RABGAP1L: variants seen among roughly 807,000 people sequenced by gnomAD.
RABGAP1L encodes rab GTPase-activating protein 1-like.
In RABGAP1L, 63 loss-of-function variants were observed where a neutral mutation model predicts 137.7. That is an observed-to-expected ratio of 0.46 (90% CI 0.37 to 0.56). The LOEUF (loss-of-function observed/expected upper bound fraction) is 0.56, where lower values mean the gene tolerates loss of function less well. RABGAP1L is among the 20% of genes least tolerant of loss of function. RABGAP1L has a pLI of 0.00. For synonymous variants in RABGAP1L, 431 were observed against 433.7 expected, an observed-to-expected ratio of 0.99 and a Z score of 0.08; for missense variants, 1,095 against 1,244.0, an observed-to-expected ratio of 0.88 and a Z score of 1.80.
At chr1:174,246,249 A>C (rs1200610276) in intron 5 of RABGAP1L, 1 of 152,154 alleles carries the variant, frequency 6.6e-6, no homozygotes, top group Non-Finnish European at 1.5e-5. Flanking sequence ...ACAAACTCAA[A>C]CAGATATACA....
At chr1:174,958,272 A>C in intron 20 of RABGAP1L, 1 of 1,085,916 alleles carries the variant, frequency 9.2e-7, no homozygotes, top group Non-Finnish European at 1.2e-6. Context: ...AAGTTTCAGA[A>C]TCAAAATAAT....
chr1:174,195,705 C>CTTCTTTCTT (rs1379428426), intron 1 of RABGAP1L, among the ~76,000 whole-genome samples: 24 of 98,118 alleles, frequency 2.4e-4, no homozygotes, highest in South Asian at 2.0e-3. Flanking sequence ...TCCTTCTTTC[C>CTTCTTTCTT]TTCTTTCTTT....
At chr1:174,258,278 C>CT (rs1673287037) in intron 7 of RABGAP1L, among the ~76,000 whole-genome samples, 1 of 152,168 alleles carries the variant, frequency 6.6e-6, no homozygotes, top group Admixed American at 6.5e-5. Flanking sequence ...CAAGAAAATT[C>CT]TTAACACCTC....
At chr1:174,882,978 A>G (rs950600711) in intron 19 of RABGAP1L, among the ~76,000 whole-genome samples, 6 of 152,076 alleles carry the variant, frequency 3.9e-5, no homozygotes, top group African/African-American at 7.2e-5. Flanking sequence ...ACACACCACC[A>G]TGCCTGGCTA....
At chr1:174,601,927 A>G (rs1670445568) in intron 13 of RABGAP1L, among the ~76,000 whole-genome samples, 2 of 152,084 alleles carry the variant, frequency 1.3e-5, no homozygotes, top group South Asian at 4.2e-4. Context: ...CCCATTTCCC[A>G]ACAAGTTCCT....
At chr1:174,581,056 T>G (rs904592345) in intron 13 of RABGAP1L, among the ~76,000 whole-genome samples, 1 of 152,158 alleles carries the variant, frequency 6.6e-6, no homozygotes, top group African/African-American at 2.4e-5. Flanking sequence ...ATTGGGACCC[T>G]TATACACTGC....
intron 19 of RABGAP1L, among the ~76,000 whole-genome samples, chr1:174,877,046 A>G (rs1313540570): frequency 6.6e-6 from 1 of 152,218 alleles, no homozygotes; most frequent in African/African-American, 2.4e-5. Flanking sequence ...AACAATCTTC[A>G]TGTAATAATA....
intron 18 of RABGAP1L, among the ~76,000 whole-genome samples, chr1:174,757,456 T>C (rs1435524796): frequency 4.0e-5 from 6 of 151,284 alleles, no homozygotes; most frequent in Non-Finnish European, 8.8e-5. Flanking sequence ...CATTTTCCCA[T>C]ACTCTTCAAA....
At chr1:174,973,340 C>T (rs1050616848) in intron 21 of RABGAP1L, among the ~76,000 whole-genome samples, 3 of 150,738 alleles carry the variant, frequency 2.0e-5, no homozygotes, top group Admixed American at 6.6e-5. Flanking sequence ...AAAAATTCCT[C>T]GGGGAAGTGT....
chr1:174,271,687 A>C (rs1558087935), intron 7 of RABGAP1L, among the ~76,000 whole-genome samples: 1 of 152,054 alleles, frequency 6.6e-6, no homozygotes, highest in Non-Finnish European at 1.5e-5. Flanking sequence ...CAAACATAAA[A>C]ATCTTCGAGT....
chr1:174,369,887 T>G (rs1378582272), intron 11 of RABGAP1L, among the ~76,000 whole-genome samples: 3 of 152,208 alleles, frequency 2.0e-5, no homozygotes, highest in Non-Finnish European at 4.4e-5. Context: ...GATGAAACAT[T>G]TGTCTCTGTA....
chr1:174,781,276 A>G (rs1354696036), intron 18 of RABGAP1L, among the ~76,000 whole-genome samples: 1 of 152,146 alleles, frequency 6.6e-6, no homozygotes, highest in African/African-American at 2.4e-5. Context: ...CTGGTGTGAG[A>G]TGATATCTCA....
At chr1:174,578,122 T>C (rs1419625513) in intron 13 of RABGAP1L, among the ~76,000 whole-genome samples, 2 of 152,264 alleles carry the variant, frequency 1.3e-5, no homozygotes, top group African/African-American at 4.8e-5. Flanking sequence ...TTGAATATTT[T>C]CATTTGTCCA....
intron 13 of RABGAP1L, among the ~76,000 whole-genome samples, chr1:174,502,733 T>C (rs988872048): frequency 6.6e-6 from 1 of 151,446 alleles, no homozygotes; most frequent in Non-Finnish European, 1.5e-5. Flanking sequence ...CACACACATA[T>C]ATATATTTAT....
intron 13 of RABGAP1L, among the ~76,000 whole-genome samples, chr1:174,577,202 G>C (rs921720007): frequency 3.3e-5 from 4 of 121,762 alleles, no homozygotes. Flanking sequence ...TCTGTTAGGG[G>C]GAAAAAATAC....
At position 174,925,889 on chromosome 1, in the gene RABGAP1L, G is replaced by GGT. The variant is rs1558240184; in HGVS notation, c.2341-31568_2341-31567insGT. ...TTTTTTGTTTTTGTTTTTTTTTTGT[G>GGT]TTTTTTTTTTTTTTTTTGATACCAG... On this transcript the variant is annotated intron_variant, in intron 19 of 25. Transcript: ENST00000681986. 1.2e-3 allele frequency among the ~76,000 whole-genome samples: 128 copies of GGT among 108,018 alleles called. 4 individuals carry two copies. Among genetic ancestry groups the GGT allele is most frequent in the Middle Eastern group, 4.7e-3 (1 of 214 alleles). The allele number at this position is 108,018 out of a possible 152,430, so 70.9% of individuals were successfully genotyped here. A position where few individuals can be genotyped will look rare whatever the true frequency, so the allele number is the denominator to read the frequency against.
chr1:174,207,077 C>T (rs968794834), intron 1 of RABGAP1L, among the ~76,000 whole-genome samples: 2 of 152,044 alleles, frequency 1.3e-5, no homozygotes, highest in Admixed American at 6.5e-5. Context: ...AGCTTCTGTT[C>T]CTTATTTCCG....
chr1:174,992,658 C>CA lies in RABGAP1L; in HGVS notation c.*2660dup, dbSNP rs1481523299. 1 of 151,802 alleles carries CA rather than the reference C, an allele frequency of 6.6e-6. No individual in the cohort carries two copies. Among genetic ancestry groups the CA allele is most frequent in the Non-Finnish European group, 1.5e-5 (1 of 67,978 alleles). 9.4% of individuals were successfully genotyped at this position (151,802 alleles called of 1,614,324 possible). A position where few individuals can be genotyped will look rare whatever the true frequency, so the allele number is the denominator to read the frequency against. Reference sequence around the variant, plus strand: ...CAGTAGCAATAGTAAAGACTAGAAACAAAGAAAATTCAGAATTTGGTATGT... The same window carrying CA: ...CAGTAGCAATAGTAAAGACTAGAAACAAAAGAAAATTCAGAATTTGGTATGT... On this transcript the variant is annotated 3_prime_UTR_variant, in exon 26 of 26. Coordinates refer to ENST00000681986, the MANE Select transcript of RABGAP1L (RefSeq NM_001366446.1).
chr1:174,513,733 G>A (rs1269616774), intron 13 of RABGAP1L, among the ~76,000 whole-genome samples: 1 of 152,090 alleles, frequency 6.6e-6, no homozygotes, highest in Non-Finnish European at 1.5e-5. Flanking sequence ...TGTAACAAAT[G>A]CTTTTCCAGC....
Sources: allele counts gnomAD v4.1 joint callset (sites outside exome capture counted in the v4.1 genomes callset), GRCh38; gene constraint gnomAD v4.1.1; transcripts MANE v1.5; gene names NCBI Gene and HGNC (gene_info 2026-07-23, HGNC 2026-07-21).